The following CYP4F11 variants were observed in gnomAD, a reference collection of about 807,000 sequenced individuals.
CYP4F11 encodes cytochrome P450 family 4 subfamily F member 11, also known as cytochrome P450 4F11.
Under a neutral mutation model 62.2 loss-of-function variants are expected in CYP4F11, and 79 were observed. That is an observed-to-expected ratio of 1.27 (90% CI 1.06 to 1.53). CYP4F11 has a LOEUF of 1.53. Ranked by LOEUF, CYP4F11 falls within the 40% of genes most tolerant of loss-of-function variation. The pLI, the probability that CYP4F11 is intolerant of heterozygous loss-of-function variation, is 0.00. For synonymous variants in CYP4F11, 290 were observed against 263.7 expected (o/e 1.10, Z -0.97); for missense variants, 777 against 680.5 (o/e 1.14, Z -1.58).
chr19:15,916,928 A>T (rs2089587537), intron 8 of CYP4F11, among the ~76,000 whole-genome samples: 1 of 152,176 alleles, frequency 6.6e-6, no homozygotes, highest in Non-Finnish European at 1.5e-5. Context: ...CTAGGTATCT[A>T]CCCAAAGGAA....
intron 8 of CYP4F11, among the ~76,000 whole-genome samples, chr19:15,919,040 T>C (rs1385821906): frequency 2.7e-5 from 4 of 150,578 alleles, no homozygotes; most frequent in Non-Finnish European, 5.9e-5. Flanking sequence ...TATATATATA[T>C]GAAATACATA....
At chr19:15,914,165 C>G in intron 11 of CYP4F11, 140 bp downstream of exon 11, 1 of 1,199,830 alleles carries the variant, frequency 8.3e-7, no homozygotes, top group East Asian at 2.3e-5. Context: ...CCTTCCCAAA[C>G]CCATTCTGTG....
chr19:15,918,419 C>T (rs2089598376), intron 8 of CYP4F11, among the ~76,000 whole-genome samples: 1 of 151,886 alleles, frequency 6.6e-6, no homozygotes, highest in Admixed American at 6.6e-5. Flanking sequence ...ACCTGCATAG[C>T]CTGAAACTTA....
At chr19:15,928,827 G>A (rs1301837583) in intron 2 of CYP4F11, among the ~76,000 whole-genome samples, 3 of 152,156 alleles carry the variant, frequency 2.0e-5, no homozygotes, top group African/African-American at 7.2e-5. Context: ...CATGAATAGG[G>A]TGGATGAGTG....
At chr19:15,923,153 G>A (rs1316829876) in intron 6 of CYP4F11, among the ~76,000 whole-genome samples, 2 of 151,762 alleles carry the variant, frequency 1.3e-5, no homozygotes, top group Non-Finnish European at 2.9e-5. Flanking sequence ...TTTCCAGAAG[G>A]CATCTGGGTT....
rs761544838 is a variant in CYP4F11, at chr19:15,934,248, G to C, written c.161C>G (p.Pro54Arg). ...NCRRLQCFPQ[P>R]PKQNWFWGHQ... ...TCCCCAAAACCAGTTCTGTTTCGGGGGTTGAGGAAAACACTGGAGGCGGCG... is the reference window on the plus strand; with the variant it reads ...TCCCCAAAACCAGTTCTGTTTCGGGCGTTGAGGAAAACACTGGAGGCGGCG... The change falls in exon 1 of 12, where the codon CCC becomes CGC. Residue 54 changes from proline (P) to arginine (R), a missense_variant. Coordinates refer to ENST00000402119, the MANE Select transcript of CYP4F11 (RefSeq NM_021187.4). 3 of 1,613,682 alleles carry C rather than the reference G, an allele frequency of 1.9e-6. No individual in the cohort carries two copies. Among genetic ancestry groups the C allele is most frequent in the Admixed American group, 3.3e-5 (2 of 59,978 alleles).
At chr19:15,930,913 T>C (rs527892517) in intron 1 of CYP4F11, among the ~76,000 whole-genome samples, 2 of 152,318 alleles carry the variant, frequency 1.3e-5, no homozygotes, top group South Asian at 4.1e-4. Flanking sequence ...AAGCACCTCC[T>C]GCAGGCCAGG....
chr19:15,925,981 G>A (rs879823678), intron 4 of CYP4F11, among the ~76,000 whole-genome samples: 8 of 151,740 alleles, frequency 5.3e-5, no homozygotes, highest in African/African-American at 1.9e-4. Context: ...TGGCTAACAT[G>A]GTGAAACCCC....
At chr19:15,923,597 G>T (rs1185621232) in intron 6 of CYP4F11, among the ~76,000 whole-genome samples, 1 of 152,152 alleles carries the variant, frequency 6.6e-6, no homozygotes, top group East Asian at 1.9e-4. Context: ...TAACATGTAA[G>T]TAGAGTAAAA....
At chr19:15,923,732 G>C in intron 6 of CYP4F11, 80 bp downstream of exon 6, 1 of 1,533,486 alleles carries the variant, frequency 6.5e-7, no homozygotes, top group South Asian at 1.3e-5. Context: ...GTGCCCTTTG[G>C]ATCAAGTCCA....
chr19:15,925,709 CAT>C (rs1162052618), intron 4 of CYP4F11, among the ~76,000 whole-genome samples: 17 of 122,026 alleles, frequency 1.4e-4, no homozygotes, highest in Admixed American at 4.1e-4. Flanking sequence ...TATACACACA[CAT>C]ATATATATAC....
upstream of CYP4F11, chr19:15,934,587 A>C (rs1285502888): frequency 2.9e-6 from 2 of 685,356 alleles, no homozygotes; most frequent in Non-Finnish European, 4.6e-6. Flanking sequence ...GAAAACCAGC[A>C]GCCAAGTGGC....
intron 1 of CYP4F11, among the ~76,000 whole-genome samples, chr19:15,931,679 A>G (rs1219453444): frequency 1.6e-5 from 1 of 61,420 alleles, no homozygotes; most frequent in Non-Finnish European, 2.9e-5. Context: ...GGAATGAGTG[A>G]GCGAGGAGAG....
rs1042990771 is a variant in CYP4F11, at chr19:15,914,660, A to G, written c.1256T>C (p.Val419Ala). The G allele has an allele frequency of 6.2e-7, 1 of 1,614,094 alleles. No individual in the cohort carries two copies. Among genetic ancestry groups the G allele is most frequent in the Non-Finnish European group, 8.5e-7 (1 of 1,180,040 alleles). ...PDGRVIPKGI[V>A]CLINIIGIHY... is the part of the protein sequence containing the mutation. Reference sequence around the variant, plus strand: ...GATCCCGATAATATTGATGAGGCAGACAATGCCTGTGGGAGAGAAGAGGGC... The same window carrying G: ...GATCCCGATAATATTGATGAGGCAGGCAATGCCTGTGGGAGAGAAGAGGGC... The change falls in exon 10 of 12, where the codon GTC becomes GCC. Residue 419 changes from valine to alanine, a missense_variant. Transcript: ENST00000402119.
In CYP4F11 at chr19:15,924,019, C is replaced by T. The variant is rs1413522826; in HGVS notation, c.711G>A (p.Gln237=). 6.2e-7 allele frequency: 1 copy of T among 1,614,170 alleles called. No homozygotes were observed. The highest frequency in any genetic ancestry group is 1.1e-5 in the South Asian group (1 of 91,080). ...GGAAGTCCGTGTGCAAGAGAATCTG[C>T]TGGTTTCTCTTTTCTACAAAGGCAC... ...ELSAFVEKRN[Q]QILLHTDFLY... is the part of the protein sequence containing the mutation. The change falls in exon 6 of 12, where the codon CAG becomes CAA. Residue 237 remains glutamine, a synonymous_variant. Coordinates refer to ENST00000402119, the MANE Select transcript of CYP4F11 (RefSeq NM_021187.4).
chr19:15,916,802 G>C (rs2089586777), intron 8 of CYP4F11, among the ~76,000 whole-genome samples: 1 of 151,944 alleles, frequency 6.6e-6, no homozygotes, highest in African/African-American at 2.4e-5. Flanking sequence ...GGTGAAAAGG[G>C]AACACTTTTA....
chr19:15,934,117 C>G (rs1326762109), intron 1 of CYP4F11, 94 bp downstream of exon 1: 8 of 1,367,746 alleles, frequency 5.8e-6, no homozygotes, highest in Non-Finnish European at 7.1e-6. Flanking sequence ...CACACCCCAG[C>G]CACCCTCAAA....
rs1412760505 is a variant in CYP4F11, at chr19:15,913,305, C to G, written c.*427G>C. The G allele has an allele frequency of 4.2e-5, 7 of 167,254 alleles. No individual in the cohort carries two copies. Among genetic ancestry groups the G allele is most frequent in the Admixed American group, 3.9e-4 (7 of 18,072 alleles). 10.4% of individuals were successfully genotyped at this position (167,254 alleles called of 1,614,324 possible). A position where few individuals can be genotyped will look rare whatever the true frequency, so the allele number is the denominator to read the frequency against. ...GAGCCTGCCAGGGTGGAAGCTGCAC[C>G]CCTTTCCCTTTGTTCTGAGCTGAGG... On this transcript the variant is annotated 3_prime_UTR_variant, in exon 12 of 12. Transcript: ENST00000402119.
At chr19:15,922,256 G>C in intron 7 of CYP4F11, 90 bp from the exon 8 acceptor site, 1 of 1,599,034 alleles carries the variant, frequency 6.3e-7, no homozygotes, top group Non-Finnish European at 8.5e-7. Context: ...TCAGGAGAAT[G>C]TAGGGAGGAG....
Sources: allele counts gnomAD v4.1 joint callset (sites outside exome capture counted in the v4.1 genomes callset), GRCh38; gene constraint gnomAD v4.1.1; transcripts MANE v1.5; gene names NCBI Gene and HGNC (gene_info 2026-07-23, HGNC 2026-07-21).